ERC1: variants seen among roughly 807,000 people sequenced by gnomAD.
ERC1 encodes the protein RAB6 interacting protein 2.
Under a neutral mutation model 132.0 loss-of-function variants are expected in ERC1, and 56 were observed. The observed-to-expected ratio is 0.42, with a 90% confidence interval of 0.34 to 0.53. The LOEUF (loss-of-function observed/expected upper bound fraction) is 0.53. ERC1 is among the 20% of genes least tolerant of loss of function. ERC1 has a pLI of 0.03. For synonymous variants in ERC1, 478 were observed against 476.1 expected, an observed-to-expected ratio of 1.00 and a Z score of -0.05; for missense variants, 1,202 against 1,349.9, an observed-to-expected ratio of 0.89 and a Z score of 1.72.
At chr12:1,341,063 C>CTTTTTCTTTTTTTT in intron 15 of ERC1, among the ~76,000 whole-genome samples, 1 of 45,206 alleles carries the variant, frequency 2.2e-5, no homozygotes, top group African/African-American at 7.1e-5. Flanking sequence ...TTATTCTTTT[C>CTTTTTCTTTTTTTT]TTTTTCTTTT....
intron 18 of ERC1, among the ~76,000 whole-genome samples, chr12:1,464,880 A>T (rs531519493): frequency 6.6e-6 from 1 of 152,220 alleles, no homozygotes; most frequent in African/African-American, 2.4e-5. Context: ...TCTTTAAAAA[A>T]GAGTCCTAAA....
intron 18 of ERC1, among the ~76,000 whole-genome samples, chr12:1,474,165 C>T (rs1474171612): frequency 1.3e-5 from 2 of 152,190 alleles, no homozygotes; most frequent in East Asian, 3.8e-4. Flanking sequence ...CCAAAAGGCT[C>T]CGAACATCAT....
At chr12:1,385,374 C>T (rs923787267) in intron 16 of ERC1, among the ~76,000 whole-genome samples, 1 of 152,148 alleles carries the variant, frequency 6.6e-6, no homozygotes, top group African/African-American at 2.4e-5. Context: ...GCTCCGCCTC[C>T]CGGGTTCACG....
intron 2 of ERC1, among the ~76,000 whole-genome samples, chr12:1,054,448 T>A (rs891263082): frequency 2.6e-5 from 4 of 152,044 alleles, no homozygotes; most frequent in African/African-American, 9.7e-5. Context: ...CGGCTCTTTT[T>A]AAAAAATTTA....
intron 17 of ERC1, among the ~76,000 whole-genome samples, chr12:1,410,938 AAC>A (rs2091810655): frequency 6.6e-6 from 1 of 152,042 alleles, no homozygotes; most frequent in Admixed American, 6.6e-5. Flanking sequence ...TGTGAACTAA[AAC>A]CTCCTTTTGT....
intron 17 of ERC1, among the ~76,000 whole-genome samples, chr12:1,419,235 C>G (rs2154398971): frequency 6.6e-6 from 1 of 152,078 alleles, no homozygotes; most frequent in South Asian, 2.1e-4. Flanking sequence ...GAAAAGGACC[C>G]CATGGTAGCA....
At chr12:1,337,878 C>T (rs2083445203) in intron 15 of ERC1, among the ~76,000 whole-genome samples, 1 of 152,154 alleles carries the variant, frequency 6.6e-6, no homozygotes, top group South Asian at 2.1e-4. Flanking sequence ...TCTCTTCTGG[C>T]TTGTAGGGTT....
intron 8 of ERC1, among the ~76,000 whole-genome samples, chr12:1,177,682 G>A (rs1223759123): frequency 6.6e-6 from 1 of 152,172 alleles, no homozygotes; most frequent in East Asian, 1.9e-4. Flanking sequence ...CACTGTAACT[G>A]ATACAATAAT....
chr12:1,102,568 C>T (rs756266422), intron 3 of ERC1, among the ~76,000 whole-genome samples: 1 of 152,084 alleles, frequency 6.6e-6, no homozygotes, highest in African/African-American at 2.4e-5. Flanking sequence ...AATTCTTGAA[C>T]GTTTGGTAGC....
chr12:1,193,467 T>C (rs1023120680), intron 12 of ERC1, among the ~76,000 whole-genome samples: 13 of 151,976 alleles, frequency 8.6e-5, no homozygotes, highest in African/African-American at 3.1e-4. Flanking sequence ...TAGAGATAGA[T>C]AAATACATAT....
chr12:1,180,274 TGTGTGTGTGCGCGCACGC>T (rs980716421), intron 8 of ERC1, among the ~76,000 whole-genome samples: 1 of 148,118 alleles, frequency 6.8e-6, no homozygotes, highest in Non-Finnish European at 1.5e-5. Flanking sequence ...TGTGTGTGTG[TGTGTGTGTGCGCGCACGC>T]GTGTGCGCGC....
intron 7 of ERC1, among the ~76,000 whole-genome samples, chr12:1,121,568 C>T (rs577970973): frequency 4.5e-4 from 69 of 152,316 alleles, no homozygotes; most frequent in African/African-American, 1.6e-3. Flanking sequence ...TCATTCAACA[C>T]GGTTTTGGGA....
At chr12:990,953 G>GTA (rs963354501), upstream of ERC1, 1 of 7,958 alleles carries the variant, frequency 1.3e-4, no homozygotes, top group African/African-American at 1.6e-4. Context: ...GTGTGTGTGA[G>GTA]TGTGTGTGTG....
At chr12:1,290,108 A>G in intron 15 of ERC1, 96 bp downstream of exon 15, 1 of 1,067,970 alleles carries the variant, frequency 9.4e-7, no homozygotes, top group Admixed American at 2.2e-5. Flanking sequence ...ACCCCAATAC[A>G]CTTACTTAAT....
intron 7 of ERC1, among the ~76,000 whole-genome samples, chr12:1,125,143 T>C (rs59635338): frequency 0.029 from 4,387 of 152,010 alleles, 209 homozygotes; most frequent in African/African-American, 0.1. Context: ...TACAGGTGCA[T>C]GCCACCACGC....
intron 16 of ERC1, among the ~76,000 whole-genome samples, chr12:1,379,738 C>T (rs1426975893): frequency 6.6e-6 from 1 of 152,112 alleles, no homozygotes; most frequent in Non-Finnish European, 1.5e-5. Context: ...CCAGAAGTGA[C>T]CCGAGAGAGG....
At chr12:1,484,783 T>C (rs1229652908) in intron 18 of ERC1, among the ~76,000 whole-genome samples, 6 of 152,110 alleles carry the variant, frequency 3.9e-5, no homozygotes, top group Non-Finnish European at 8.8e-5. Flanking sequence ...GGTTTCACCA[T>C]GCTAGTCAGG....
chr12:1,283,901 C>G (rs1174581272), intron 14 of ERC1, among the ~76,000 whole-genome samples: 1 of 152,146 alleles, frequency 6.6e-6, no homozygotes, highest in African/African-American at 2.4e-5. Flanking sequence ...TCTATTATTT[C>G]CTTGTGTTGC....
chr12:1,019,608 G>C (rs1966030894), intron 1 of ERC1, among the ~76,000 whole-genome samples: 1 of 152,160 alleles, frequency 6.6e-6, no homozygotes, highest in Non-Finnish European at 1.5e-5. Flanking sequence ...TCCTGCAAGG[G>C]GGTCTTGAGC....
Sources: gnomAD v4.1 joint callset for allele counts (sites outside exome capture counted in the v4.1 genomes callset) on GRCh38, gnomAD v4.1.1 for gene constraint, MANE v1.5 for transcripts, NCBI Gene and HGNC (gene_info 2026-07-23, HGNC 2026-07-21) for gene names.